Variants in LCK observed in about 807,000 individuals in gnomAD.
The protein encoded by LCK is tyrosine-protein kinase Lck.
Under a neutral mutation model 64.6 loss-of-function variants are expected in LCK, and 14 were observed. The observed-to-expected ratio is 0.22, with a 90% CI of 0.14 to 0.34. The LOEUF (loss-of-function observed/expected upper bound fraction) is 0.34. Among genes scored for constraint, LCK ranks in the 10% least tolerant of loss-of-function variants. LCK has a pLI of 1.00. For synonymous variants in LCK, 277 were observed against 263.6 expected (o/e 1.05, Z -0.49); for missense variants, 434 against 668.1 (o/e 0.65, Z 3.86).
chr1:32,270,860 A>C (rs553333830), intron 1 of LCK, among the ~76,000 whole-genome samples: 5 of 146,246 alleles, frequency 3.4e-5, no homozygotes, highest in Non-Finnish European at 1.5e-5. Flanking sequence ...CCTGCCACCA[A>C]GCCCGATTAA....
In LCK at chr1:32,275,461, A is replaced by T. The variant is rs767952386; in HGVS notation, c.377+42A>T. The T allele has an allele frequency of 3.2e-5, 52 of 1,601,174 alleles. No individual in the cohort carries two copies. The highest frequency in any genetic ancestry group is 4.4e-5 in the Non-Finnish European group (52 of 1,170,100). ...CGTGGGGGTGGGTAGGAGCAGATCT[A>T]GGGATCCTGGAGCAGGGAGTAGGCC... On this transcript the variant is annotated intron_variant, in intron 5 of 12. Coordinates refer to ENST00000336890, the MANE Select transcript of LCK (RefSeq NM_005356.5). This position sits in a 1 kb window ranked among gnomAD's most constrained non-coding sequence, Gnocchi z 6.9.
Position 32,275,090 on chromosome 1 carries a change from C to A in LCK, c.278+7C>A. ...AGCTCCGCATCCTGGAGCAGTGAGT[C>A]CCTCTCCACCTTGCTCTGGCGGAGT... On this transcript the variant is annotated splice_region_variant and intron_variant, in intron 4 of 12. Transcript: ENST00000336890. The surrounding 1 kb of genome is among the most constrained non-coding windows in gnomAD (Gnocchi z 6.9). The A allele has an allele frequency of 1.9e-6, 3 of 1,603,776 alleles. No individual in the cohort carries two copies. The highest frequency in any genetic ancestry group is 2.6e-6 in the Non-Finnish European group (3 of 1,172,302).
Position 32,275,330 on chromosome 1 carries a change from G to A in LCK, c.288G>A (p.Glu96=), listed in dbSNP as rs767043658. Residue 96 remains glutamate, a synonymous_variant, in exon 5 of 13, where the codon GAG becomes GAA. Coordinates refer to ENST00000336890, the MANE Select transcript of LCK (RefSeq NM_005356.5). This position sits in a 1 kb window ranked among gnomAD's most constrained non-coding sequence, Gnocchi z 6.9. Reference sequence around the variant, plus strand: ...CACCTCCGTGGCGCAGGAGCGGCGAGTGGTGGAAGGCGCAGTCCCTGACCA... The same window carrying A: ...CACCTCCGTGGCGCAGGAGCGGCGAATGGTGGAAGGCGCAGTCCCTGACCA... ...EQLRILEQSG[E]WWKAQSLTTG... is the part of the protein sequence containing the mutation. 2.5e-6 allele frequency: 4 copies of A among 1,614,098 alleles called. No homozygotes were observed. The highest frequency in any genetic ancestry group is 2.5e-6 in the Non-Finnish European group (3 of 1,180,042).
At chr1:32,283,312 A>G (rs895572096) in intron 12 of LCK, among the ~76,000 whole-genome samples, 1 of 150,672 alleles carries the variant, frequency 6.6e-6, no homozygotes, top group Non-Finnish European at 1.5e-5. Context: ...AAAAAAAAAA[A>G]TTGTGAGAGT....
intron 1 of LCK, among the ~76,000 whole-genome samples, chr1:32,268,710 G>A (rs911564394): frequency 2.0e-5 from 3 of 150,382 alleles, no homozygotes; most frequent in African/African-American, 7.4e-5. Flanking sequence ...CTACTTGGGA[G>A]ACTGAGGTAG....
chr1:32,271,484 C>T (rs565301019), intron 1 of LCK, among the ~76,000 whole-genome samples: 1 of 152,174 alleles, frequency 6.6e-6, no homozygotes, highest in Admixed American at 6.6e-5. Flanking sequence ...TGAGACCAGT[C>T]CGGGCAACAT....
intron 1 of LCK, among the ~76,000 whole-genome samples, chr1:32,266,831 C>T (rs1221700488): frequency 1.1e-5 from 1 of 87,010 alleles, no homozygotes; most frequent in Non-Finnish European, 2.2e-5. Context: ...TTCCCCCTCC[C>T]TTTCTTTCTC....
At chr1:32,255,734 T>G (rs1639614321) in intron 1 of LCK, among the ~76,000 whole-genome samples, 1 of 152,020 alleles carries the variant, frequency 6.6e-6, no homozygotes, top group Non-Finnish European at 1.5e-5. Context: ...ACGCTCTCTG[T>G]CTGCTTACTT....
rs780848515 is a variant in LCK, at chr1:32,274,994, C to T, written c.189C>T (p.Asp63=). The part of the protein sequence containing the change: ...GSNPPASPLQ[D]NLVIALHSYE... Reference sequence around the variant, plus strand: ...CCCTGATGCCCCTTGTCTTTACAGACAACCTGGTTATCGCTCTGCACAGCT... The same window carrying T: ...CCCTGATGCCCCTTGTCTTTACAGATAACCTGGTTATCGCTCTGCACAGCT... Residue 63 remains aspartate, a splice_region_variant and synonymous_variant, in exon 4 of 13, where the codon GAC becomes GAT. Coordinates refer to ENST00000336890, the MANE Select transcript of LCK (RefSeq NM_005356.5). 1.9e-6 allele frequency: 3 copies of T among 1,614,224 alleles called. No homozygotes were observed. Among genetic ancestry groups the T allele is most frequent in the East Asian group, 4.5e-5 (2 of 44,890 alleles).
chr1:32,279,488 C>A, intron 9 of LCK, 183 bp from the exon 10 acceptor site: 1 of 1,141,128 alleles, frequency 8.8e-7, no homozygotes, highest in East Asian at 2.5e-5. Flanking sequence ...ACCCTAGCCC[C>A]TCTGCAAAAA....
intron 1 of LCK, among the ~76,000 whole-genome samples, chr1:32,262,428 CT>C (rs1267622825): frequency 2.1e-3 from 286 of 136,342 alleles, no homozygotes; most frequent in Middle Eastern, 7.5e-3. Flanking sequence ...TTTTTCTTTT[CT>C]TTTTTTTTTT....
chr1:32,260,779 A>C (rs1201248986), intron 1 of LCK, among the ~76,000 whole-genome samples: 1 of 150,716 alleles, frequency 6.6e-6, no homozygotes, highest in African/African-American at 2.4e-5. Context: ...GCACCACCAC[A>C]CCTGGTTAAT....
intron 1 of LCK, among the ~76,000 whole-genome samples, chr1:32,270,807 G>T (rs1316821321): frequency 6.8e-6 from 1 of 147,406 alleles, no homozygotes; most frequent in African/African-American, 2.5e-5. Context: ...GGGTTTAAGC[G>T]ATTCTCCTGC....
chr1:32,265,192 A>G (rs1469145988), intron 1 of LCK, among the ~76,000 whole-genome samples: 1 of 152,222 alleles, frequency 6.6e-6, no homozygotes, highest in Admixed American at 6.5e-5. Flanking sequence ...CAAAAAAAAA[A>G]AAAAATGTAA....
chr1:32,274,517 C>G, intron 2 of LCK, 83 bp downstream of exon 2: 1 of 1,186,142 alleles, frequency 8.4e-7, no homozygotes, highest in Non-Finnish European at 1.2e-6. Flanking sequence ...CACTACAGGC[C>G]CTTGAAAGAA....
intron 1 of LCK, among the ~76,000 whole-genome samples, chr1:32,264,366 A>T (rs1053609717): frequency 4.6e-5 from 7 of 152,082 alleles, no homozygotes; most frequent in African/African-American, 1.7e-4. Context: ...GGATCTTGAT[A>T]AAGGATGTAG....
intron 1 of LCK, among the ~76,000 whole-genome samples, chr1:32,261,952 GAAAAAAAAAAAAAA>G (rs934560000): frequency 2.5e-5 from 1 of 40,116 alleles, no homozygotes. Flanking sequence ...GACTCTGTCA[GAAAAAAAAAAAAAA>G]AAAAAAAAAG....
Position 32,274,375 on chromosome 1 carries a change from A to G in LCK, c.46A>G (p.Asn16Asp). ...SSHPEDDWMENIDVCENCHYP... is the reference protein window; with the variant it reads ...SSHPEDDWMEDIDVCENCHYP... Reference sequence around the variant, plus strand: ...ACACCCGGAAGATGACTGGATGGAAAACATCGATGTGTGTGAGAACTGCCA... The same window carrying G: ...ACACCCGGAAGATGACTGGATGGAAGACATCGATGTGTGTGAGAACTGCCA... Residue 16 changes from asparagine to aspartate, a missense_variant, in exon 2 of 13, where the codon AAC becomes GAC. Around this residue, in one of 2 missense-constraint regions of LCK, gnomAD observed 233 missense variants for 291.2 expected, o/e 0.80. Coordinates refer to ENST00000336890, the MANE Select transcript of LCK (RefSeq NM_005356.5). 1 of 1,614,138 alleles carries G rather than the reference A, an allele frequency of 6.2e-7. No individual in the cohort carries two copies. The highest frequency in any genetic ancestry group is 8.5e-7 in the Non-Finnish European group (1 of 1,180,002).
intron 1 of LCK, among the ~76,000 whole-genome samples, chr1:32,257,251 T>C (rs1399947175): frequency 2.7e-5 from 4 of 149,562 alleles, no homozygotes; most frequent in African/African-American, 9.9e-5. Flanking sequence ...TTTTTTTTTG[T>C]TTTTTTTGTT....
Sources: allele counts gnomAD v4.1 joint callset (sites outside exome capture counted in the v4.1 genomes callset), GRCh38; gene constraint gnomAD v4.1.1; regional missense constraint gnomAD v4.1.1; non-coding constraint Gnocchi (gnomAD v3.1); transcripts MANE v1.5; gene names NCBI Gene and HGNC (gene_info 2026-07-23, HGNC 2026-07-21).